FARS2: variants seen among roughly 807,000 people sequenced by gnomAD.
FARS2 encodes the protein phenylalanyl-tRNA synthetase 2, mitochondrial.
In FARS2, 40 loss-of-function variants were observed where a neutral mutation model predicts 46.4. The ratio of observed to expected loss-of-function variants is 0.86; its 90% confidence interval spans 0.67 to 1.12. FARS2 has a LOEUF of 1.12. Ranked by LOEUF, FARS2 falls within the 50% of genes most tolerant of loss-of-function variation. The pLI is 0.00. For missense variants in FARS2, 513 were observed against 567.9 expected, an observed-to-expected ratio of 0.90 and a Z score of 0.98; for synonymous variants, 234 against 214.9, an observed-to-expected ratio of 1.09 and a Z score of -0.78.
At position 5,368,933 on chromosome 6, in the gene FARS2, G is replaced by A. The variant is rs1265996563; in HGVS notation, c.363G>A (p.Thr121=). 6.8e-6 allele frequency: 11 copies of A among 1,614,020 alleles called. No homozygotes were observed. Among genetic ancestry groups the A allele is most frequent in the African/African-American group, 4.0e-5 (3 of 74,920 alleles). ...ACGACAACCTTTCTCCAGTGGTCAC[G>A]ACCTGGCAGAACTTTGACAGCCTGC... ...SVYDNLSPVV[T]TWQNFDSLLI... The change falls in exon 2 of 7, where the codon ACG becomes ACA. Residue 121 remains threonine, a synonymous_variant. Coordinates refer to ENST00000274680, the MANE Select transcript of FARS2 (RefSeq NM_006567.5).
At chr6:5,693,439 C>G (rs568137476) in intron 6 of FARS2, among the ~76,000 whole-genome samples, 61 of 152,300 alleles carry the variant, frequency 4.0e-4, no homozygotes, top group Non-Finnish European at 7.2e-4. Flanking sequence ...GGCTGCTGAG[C>G]AGGATATTAA....
At chr6:5,452,987 G>A (rs1018595994) in intron 4 of FARS2, among the ~76,000 whole-genome samples, 3 of 152,104 alleles carry the variant, frequency 2.0e-5, no homozygotes, top group African/African-American at 7.2e-5. Flanking sequence ...CAAAAGTAGG[G>A]GTACGGGATG....
intron 6 of FARS2, among the ~76,000 whole-genome samples, chr6:5,751,347 C>T (rs1319122968): frequency 6.6e-6 from 1 of 152,106 alleles, no homozygotes; most frequent in African/African-American, 2.4e-5. Context: ...CACTTGATGG[C>T]TGTTGAAATA....
At chr6:5,378,290 G>C (rs1467756069) in intron 2 of FARS2, among the ~76,000 whole-genome samples, 1 of 151,952 alleles carries the variant, frequency 6.6e-6, no homozygotes. Context: ...TGGGTGAGGG[G>C]CTCCTTCCAC....
At chr6:5,524,656 C>T (rs919495845) in intron 4 of FARS2, among the ~76,000 whole-genome samples, 1 of 152,214 alleles carries the variant, frequency 6.6e-6, no homozygotes, top group Non-Finnish European at 1.5e-5. Flanking sequence ...TTAGGCCTTA[C>T]AGTAGCTCTA....
At chr6:5,532,882 G>A (rs781213866) in intron 4 of FARS2, among the ~76,000 whole-genome samples, 5 of 152,078 alleles carry the variant, frequency 3.3e-5, no homozygotes, top group Non-Finnish European at 5.9e-5. Context: ...TCATTAAATT[G>A]AAGAATTCCT....
chr6:5,695,820 T>C (rs1758069257), intron 6 of FARS2, among the ~76,000 whole-genome samples: 1 of 152,066 alleles, frequency 6.6e-6, no homozygotes, highest in Non-Finnish European at 1.5e-5. Flanking sequence ...CACCAAAAAA[T>C]TGGATCAGGA....
intron 1 of FARS2, among the ~76,000 whole-genome samples, chr6:5,297,766 A>G (rs1210379090): frequency 6.6e-6 from 1 of 152,204 alleles, no homozygotes; most frequent in Non-Finnish European, 1.5e-5. Flanking sequence ...ATGCTTTCAA[A>G]TGTTCTTGTT....
chr6:5,289,062 G>T (rs1767326275), intron 1 of FARS2, among the ~76,000 whole-genome samples: 1 of 152,160 alleles, frequency 6.6e-6, no homozygotes, highest in Non-Finnish European at 1.5e-5. Flanking sequence ...GGAGAATTTT[G>T]ATGATTGATT....
rs747498491 is a variant in FARS2 at position 5,705,097 on chromosome 6, C to T, written c.1218-66194C>T. On this transcript the variant is annotated intron_variant, in intron 6 of 6. Transcript: ENST00000274680. ...GAATTAAAATAACAGTGCTTTGTTA[C>T]GGAAATGCTACATTTGGTCATTCAA... is the stretch of plus-strand genomic sequence containing the variant. Among the ~76,000 whole-genome samples the T allele has an allele frequency of 3.0e-4, 46 of 152,120 alleles. 1 individual carries two copies. Among genetic ancestry groups the T allele is most frequent in the East Asian group, 2.1e-3 (11 of 5,180 alleles).
chr6:5,344,024 C>T (rs1017887317), intron 1 of FARS2, among the ~76,000 whole-genome samples: 32 of 152,264 alleles, frequency 2.1e-4, no homozygotes, highest in African/African-American at 7.5e-4. Flanking sequence ...TGCTTCTCTT[C>T]GGAGGCTTGT....
chr6:5,532,340 A>G (rs1275582865), intron 4 of FARS2, among the ~76,000 whole-genome samples: 1 of 152,114 alleles, frequency 6.6e-6, no homozygotes, highest in Non-Finnish European at 1.5e-5. Context: ...TCTTGCTCGA[A>G]CACTGTTTAT....
chr6:5,521,480 T>C (rs1221462187), intron 4 of FARS2, among the ~76,000 whole-genome samples: 1 of 152,022 alleles, frequency 6.6e-6, no homozygotes, highest in Non-Finnish European at 1.5e-5. Context: ...ACGGGTGCAG[T>C]GTTGATGCGT....
intron 1 of FARS2, among the ~76,000 whole-genome samples, chr6:5,335,081 C>T (rs921115015): frequency 6.6e-6 from 1 of 152,154 alleles, no homozygotes; most frequent in Non-Finnish European, 1.5e-5. Context: ...AGGTGTGTCA[C>T]CATCTCTTGA....
At chr6:5,710,825 A>G (rs113850486) in intron 6 of FARS2, among the ~76,000 whole-genome samples, 1,886 of 152,344 alleles carry the variant, frequency 0.012, 49 homozygotes, top group African/African-American at 0.043. Context: ...CAGAAAGGAC[A>G]GGCAGAAAAA....
intron 2 of FARS2, among the ~76,000 whole-genome samples, chr6:5,392,964 T>C (rs1554175185): frequency 6.7e-6 from 1 of 148,788 alleles, no homozygotes; most frequent in Non-Finnish European, 1.5e-5. Flanking sequence ...ACATAAAATA[T>C]ATTGATTTTA....
chr6:5,744,597 C>T (rs1045697759), intron 6 of FARS2, among the ~76,000 whole-genome samples: 1 of 152,136 alleles, frequency 6.6e-6, no homozygotes. Context: ...TGTCTGTTCC[C>T]ACATCCTCAG....
intron 6 of FARS2, among the ~76,000 whole-genome samples, chr6:5,739,638 A>G (rs1039276970): frequency 3.9e-5 from 6 of 152,232 alleles, no homozygotes; most frequent in Non-Finnish European, 7.3e-5. Flanking sequence ...AGCAGCGATC[A>G]CTTTGCTTCT....
chr6:5,557,711 A>T (rs796826157), intron 5 of FARS2, among the ~76,000 whole-genome samples: 1 of 152,132 alleles, frequency 6.6e-6, no homozygotes, highest in Non-Finnish European at 1.5e-5. Context: ...GCAGCCTACA[A>T]TCTATCTTCT....
Sources: allele counts gnomAD v4.1 joint callset (sites outside exome capture counted in the v4.1 genomes callset), GRCh38; gene constraint gnomAD v4.1.1; transcripts MANE v1.5; gene names NCBI Gene and HGNC (gene_info 2026-07-23, HGNC 2026-07-21).